The following CNTNAP2 variants were observed in gnomAD, a reference collection of about 807,000 sequenced individuals.
The protein encoded by CNTNAP2 is contactin associated protein 2, also known as contactin-associated protein-like 2.
CNTNAP2 carries 98 observed loss-of-function variants against 155.2 expected under a neutral mutation model. The observed-to-expected ratio is 0.63, with a 90% CI of 0.54 to 0.75. The LOEUF is 0.75. Ranked by LOEUF, CNTNAP2 falls within the 30% of genes least tolerant of loss-of-function variation. CNTNAP2 has a pLI of 0.00. For missense variants in CNTNAP2, 1,727 were observed against 1,688.1 expected (o/e 1.02, Z -0.40); for synonymous variants, 651 against 631.2 (o/e 1.03, Z -0.47).
chr7:148,320,626 C>T (rs567930010), intron 21 of CNTNAP2, among the ~76,000 whole-genome samples: 18 of 151,924 alleles, frequency 1.2e-4, no homozygotes, highest in Non-Finnish European at 1.8e-4. Flanking sequence ...TCAGGTGATC[C>T]GCCCGCCTCC....
intron 8 of CNTNAP2, among the ~76,000 whole-genome samples, chr7:147,261,552 CT>C (rs202048106): frequency 2.5e-4 from 36 of 143,018 alleles, no homozygotes; most frequent in South Asian, 4.3e-4. Context: ...GTAAGGGATA[CT>C]TTAAAAAAAA....
chr7:147,864,830 A>G (rs146790623), intron 13 of CNTNAP2, among the ~76,000 whole-genome samples: 4,962 of 152,306 alleles, frequency 0.033, 136 homozygotes, highest in Non-Finnish European at 0.052. Context: ...TTTGGGGCTG[A>G]GACGATAGGG....
intron 17 of CNTNAP2, among the ~76,000 whole-genome samples, chr7:148,167,639 A>C (rs1805694622): frequency 6.6e-6 from 1 of 152,180 alleles, no homozygotes; most frequent in Admixed American, 6.5e-5. Flanking sequence ...AGCCAGAGTA[A>C]TTCAGAGCTG....
intron 13 of CNTNAP2, among the ~76,000 whole-genome samples, chr7:147,782,495 C>G (rs1301933742): frequency 2.6e-5 from 4 of 152,124 alleles, no homozygotes; most frequent in African/African-American, 9.7e-5. Context: ...GATTGGGTGT[C>G]TGGTGGGAAG....
chr7:147,426,153 G>C (rs1341126713), intron 10 of CNTNAP2, among the ~76,000 whole-genome samples: 2 of 150,798 alleles, frequency 1.3e-5, no homozygotes, highest in Non-Finnish European at 2.9e-5. Flanking sequence ...CAGGGAGGGT[G>C]TACTTTACCT....
intron 3 of CNTNAP2, among the ~76,000 whole-genome samples, chr7:146,896,311 GCAGGAAAGA>G (rs1334023788): frequency 1.3e-5 from 2 of 151,974 alleles, no homozygotes; most frequent in African/African-American, 4.8e-5. Context: ...TCCTGGTCTT[GCAGGAAAGA>G]CTTCCTCTTC....
intron 15 of CNTNAP2, among the ~76,000 whole-genome samples, chr7:148,076,662 C>T (rs1016940960): frequency 6.6e-6 from 1 of 151,766 alleles, no homozygotes; most frequent in African/African-American, 2.4e-5. Context: ...GTCTCGATCT[C>T]CTGACCTCGT....
chr7:146,342,679 C>T (rs753427631), intron 1 of CNTNAP2, among the ~76,000 whole-genome samples: 33 of 152,040 alleles, frequency 2.2e-4, no homozygotes, highest in Non-Finnish European at 4.0e-4. Flanking sequence ...GTAATAAAGA[C>T]GTGTAGGATT....
intron 3 of CNTNAP2, among the ~76,000 whole-genome samples, chr7:147,004,895 G>C (rs1176802832): frequency 6.6e-6 from 1 of 151,962 alleles, no homozygotes; most frequent in Non-Finnish European, 1.5e-5. Context: ...TGTTGAGTAA[G>C]AAGTAAAAAC....
intron 21 of CNTNAP2, among the ~76,000 whole-genome samples, chr7:148,368,869 C>T (rs189346820): frequency 5.3e-5 from 8 of 152,238 alleles, no homozygotes; most frequent in South Asian, 2.1e-4. Flanking sequence ...TGTCTGGAGT[C>T]TATAGATAAC....
At chr7:147,886,475 C>CAAAAAAAAAAAAAA (rs532837902) in intron 13 of CNTNAP2, among the ~76,000 whole-genome samples, 2 of 39,738 alleles carry the variant, frequency 5.0e-5, no homozygotes, top group African/African-American at 2.1e-4. Flanking sequence ...AACTCCATCT[C>CAAAAAAAAAAAAAA]AAAAAAAAAA....
intron 21 of CNTNAP2, among the ~76,000 whole-genome samples, chr7:148,346,130 G>A (rs912578742): frequency 6.6e-6 from 1 of 152,058 alleles, no homozygotes; most frequent in Non-Finnish European, 1.5e-5. Flanking sequence ...TTTTACAGTC[G>A]TGCTCTGATC....
At chr7:148,019,901 C>T (rs1295967663) in intron 15 of CNTNAP2, among the ~76,000 whole-genome samples, 1 of 152,178 alleles carries the variant, frequency 6.6e-6, no homozygotes, top group South Asian at 2.1e-4. Context: ...TCTCCTCCCT[C>T]AGCCTCCCAA....
intron 12 of CNTNAP2, among the ~76,000 whole-genome samples, chr7:147,581,256 T>G (rs1800493657): frequency 6.6e-6 from 1 of 152,210 alleles, no homozygotes; most frequent in East Asian, 1.9e-4. Context: ...CTGTATAAAT[T>G]TATAAGACAC....
chr7:148,192,084 C>T (rs1271076932), intron 18 of CNTNAP2, among the ~76,000 whole-genome samples: 1 of 152,068 alleles, frequency 6.6e-6, no homozygotes, highest in Non-Finnish European at 1.5e-5. Context: ...TGGAGACTTC[C>T]GTTAATGTGT....
At chr7:147,078,605 T>C (rs1800040407) in intron 4 of CNTNAP2, among the ~76,000 whole-genome samples, 1 of 152,078 alleles carries the variant, frequency 6.6e-6, no homozygotes, top group African/African-American at 2.4e-5. Context: ...TTGGCTGCAA[T>C]CCAGATAGGA....
chr7:147,030,398 T>G (rs546034669), intron 3 of CNTNAP2, among the ~76,000 whole-genome samples: 1 of 152,344 alleles, frequency 6.6e-6, no homozygotes, highest in East Asian at 1.9e-4. Flanking sequence ...GCCTTGAAAC[T>G]AATTCTGTCT....
intron 1 of CNTNAP2, among the ~76,000 whole-genome samples, chr7:146,643,160 T>C (rs1475217967): frequency 6.7e-6 from 1 of 148,976 alleles, no homozygotes; most frequent in Non-Finnish European, 1.5e-5. Context: ...GCTCTTTAGT[T>C]TAATTAGATC....
At chr7:147,523,451 G>A (rs1265809397) in intron 11 of CNTNAP2, among the ~76,000 whole-genome samples, 2 of 152,212 alleles carry the variant, frequency 1.3e-5, no homozygotes, top group East Asian at 1.9e-4. Context: ...CTCAGAGGGA[G>A]GGGATTATAC....
Sources: gnomAD v4.1 joint callset for allele counts (sites outside exome capture counted in the v4.1 genomes callset) on GRCh38, gnomAD v4.1.1 for gene constraint, MANE v1.5 for transcripts, NCBI Gene and HGNC (gene_info 2026-07-23, HGNC 2026-07-21) for gene names.